The following SLC6A2 variants were observed in gnomAD, a reference collection of about 807,000 sequenced individuals.
SLC6A2 encodes the protein solute carrier family 6 member 2, also known as sodium-dependent noradrenaline transporter.
Under a neutral mutation model 71.7 loss-of-function variants are expected in SLC6A2, and 26 were observed. The ratio of observed to expected loss-of-function variants is 0.36; its 90% confidence interval spans 0.27 to 0.50. The LOEUF is 0.50. Ranked by LOEUF, SLC6A2 falls within the 20% of genes least tolerant of loss-of-function variation. The probability of loss-of-function intolerance (pLI) is 0.96; values close to 1 mark genes in which losing one functional copy is unlikely to be tolerated. For missense variants in SLC6A2, 581 were observed against 803.9 expected (o/e 0.72, Z 3.35); for synonymous variants, 363 against 337.9 (o/e 1.07, Z -0.82).
Position 55,696,292 on chromosome 16 carries a change from TG to T in SLC6A2, c.1216del (p.Val406LeufsTer33). 6.2e-7 allele frequency: 1 copy of T among 1,613,936 alleles called. No homozygotes were observed. The highest frequency in any genetic ancestry group is 8.5e-7 in the Non-Finnish European group (1 of 1,179,920). On this transcript the variant is annotated frameshift_variant, in exon 9 of 15. Coordinates refer to ENST00000568943, the MANE Select transcript of SLC6A2 (RefSeq NM_001172501.3). LOFTEE classifies it high-confidence loss of function. ...STLSGSTFWAVVFFVMLLALG... is the reference protein window; with the variant it reads ...STLSGSTFWAXVFFVMLLALG... ...CCCTGTCTGGATCTACATTCTGGGC[TG>T]TTGTGTTTTTCGTCATGCTCCTGGC... is the stretch of plus-strand genomic sequence containing the variant.
chr16:55,656,845 G>C lies in SLC6A2; in HGVS notation c.151G>C (p.Gly51Arg). Residue 51 changes from glycine (G) to arginine (R), a missense_variant, in exon 2 of 15, where the codon GGC becomes CGC. Physicochemically the swap from Gly to Arg is moderately radical, Grantham distance 125. Transcript: ENST00000568943. This position sits in a 1 kb window ranked among gnomAD's most constrained non-coding sequence, Gnocchi z 4.5. Reference protein sequence around the residue: ...GVQCLLAPRDGDAQPRETWGK... With the variant: ...GVQCLLAPRDRDAQPRETWGK... ...CCAGTGCCTGCTGGCGCCCCGCGACGGCGACGCGCAGCCCCGGGAGACCTG... is the reference window on the plus strand; with the variant it reads ...CCAGTGCCTGCTGGCGCCCCGCGACCGCGACGCGCAGCCCCGGGAGACCTG... 1.9e-6 allele frequency: 3 copies of C among 1,613,704 alleles called. No homozygotes were observed. The South Asian group carries it at 3.3e-5, about 18-fold the overall frequency.
At chr16:55,684,300 CAAAA>C (rs34610275) in intron 4 of SLC6A2, among the ~76,000 whole-genome samples, 16 of 133,016 alleles carry the variant, frequency 1.2e-4, no homozygotes, top group African/African-American at 4.6e-4. Flanking sequence ...GAGCCTGTCT[CAAAA>C]AAAAAAAAAA....
Position 55,692,065 on chromosome 16 carries a change from TG to T in SLC6A2, c.918+14del, listed in dbSNP as rs1467680615. 3.7e-6 allele frequency: 6 copies of T among 1,614,132 alleles called. No homozygotes were observed. Among genetic ancestry groups the T allele is most frequent in the Non-Finnish European group, 5.1e-6 (6 of 1,180,008 alleles). ...GAAAGAGGCCACGGTCAGTGCTCAG[TG>T]ACCACCAAGCCTTGGGCCAGGCTTG... is the stretch of plus-strand genomic sequence containing the variant. On this transcript the variant is annotated intron_variant, in intron 6 of 14. Coordinates refer to ENST00000568943, the MANE Select transcript of SLC6A2 (RefSeq NM_001172501.3).
At chr16:55,663,114 C>G (rs922734700) in intron 2 of SLC6A2, among the ~76,000 whole-genome samples, 1 of 152,154 alleles carries the variant, frequency 6.6e-6, no homozygotes, top group Non-Finnish European at 1.5e-5. Context: ...CCCCCCACCC[C>G]TTGCTTGGGT....
chr16:55,701,646 G>A (rs1413588711), intron 13 of SLC6A2, among the ~76,000 whole-genome samples: 1 of 152,224 alleles, frequency 6.6e-6, no homozygotes, highest in Non-Finnish European at 1.5e-5. Context: ...CCCCATGTCT[G>A]ACCACAGTAG....
intron 7 of SLC6A2, 117 bp downstream of exon 7, chr16:55,694,230 C>T (rs1965725001): frequency 3.9e-6 from 3 of 770,958 alleles, no homozygotes; most frequent in Admixed American, 1.8e-5. Flanking sequence ...AAATTTTCTT[C>T]TTGTGAACCA....
At chr16:55,691,405 C>T (rs750715599) in intron 5 of SLC6A2, among the ~76,000 whole-genome samples, 7 of 152,156 alleles carry the variant, frequency 4.6e-5, no homozygotes, top group Non-Finnish European at 1.0e-4. Flanking sequence ...TTAGTTCTGT[C>T]TGGTTCATGA....
In SLC6A2 at chr16:55,692,490, G is replaced by A. The variant is rs183456213; in HGVS notation, c.918+438G>A. On this transcript the variant is annotated intron_variant, in intron 6 of 14. Transcript: ENST00000568943. ...CAAGGATAGTCTTAGCCACCAGGGA[G>A]GCCCTGCCAACTCTCTTCCCCAACA... Among the ~76,000 whole-genome samples, 4 of 152,234 alleles carry A rather than the reference G, an allele frequency of 2.6e-5. No individual in the cohort carries two copies. The East Asian group carries it at 7.7e-4, about 29-fold the overall frequency.
Position 55,704,198 on chromosome 16 carries a change from T to G in SLC6A2, c.*1852T>G, listed in dbSNP as rs1966053526. On this transcript the variant is annotated 3_prime_UTR_variant, in exon 15 of 15. Transcript: ENST00000568943. ...TGTTTGTTTGTTTGTTTGTTTGTAA[T>G]AAAGCACTTTAATGCACATTACCTG... The G allele has an allele frequency of 6.6e-6, 1 of 152,246 alleles. No individual in the cohort carries two copies. Among genetic ancestry groups the G allele is most frequent in the South Asian group, 2.1e-4 (1 of 4,834 alleles). 9.4% of individuals were successfully genotyped at this position (152,246 alleles called of 1,614,324 possible).
rs1478906182 is a variant in SLC6A2 at position 55,702,747 on chromosome 16, C to A, written c.*401C>A. 4.3e-4 allele frequency: 397 copies of A among 920,544 alleles called. No homozygotes were observed. In the Admixed American group the frequency reaches 4.5e-3, roughly 10 times the overall value. The allele number at this position is 920,544 out of a possible 1,614,324, so 57.0% of individuals were successfully genotyped here. On this transcript the variant is annotated 3_prime_UTR_variant, in exon 15 of 15. Transcript: ENST00000568943. ...TGGGCTTTTGATCAGATACCCCTCC[C>A]AAAAAAAAAAAAAACTAAAACTAAA...
chr16:55,670,580 G>C (rs1964878865), intron 3 of SLC6A2, among the ~76,000 whole-genome samples: 2 of 152,182 alleles, frequency 1.3e-5, no homozygotes, highest in Non-Finnish European at 2.9e-5. Flanking sequence ...TTTCAGATCT[G>C]TTGTTTTCTG....
intron 4 of SLC6A2, among the ~76,000 whole-genome samples, chr16:55,683,300 T>A (rs1004231098): frequency 5.3e-5 from 8 of 152,240 alleles, no homozygotes; most frequent in Middle Eastern, 3.4e-3. Context: ...CCACCTTGGA[T>A]TGTTTGTTTT....
intron 14 of SLC6A2, 126 bp downstream of exon 14, chr16:55,702,060 T>TC (rs2142640075): frequency 1.2e-6 from 1 of 836,058 alleles, no homozygotes; most frequent in East Asian, 2.6e-5. Context: ...AGCTGCCTTT[T>TC]CCCCTTGGAA....
In SLC6A2 at chr16:55,701,860, CAG is replaced by C. The variant is rs1425939466; in HGVS notation, c.1760_1761del. On this transcript the variant is annotated splice_acceptor_variant, in intron 13 of 14. Transcript: ENST00000568943. LOFTEE classifies it high-confidence loss of function. ...AGGCCTCCTCCCCTTCTCTTCCTTT[CAG>C]AGACTGGCCTATGGCATCACGCCAG... 3 of 1,613,450 alleles carry C rather than the reference CAG, an allele frequency of 1.9e-6. No individual in the cohort carries two copies. The highest frequency in any genetic ancestry group is 1.3e-5 in the African/African-American group (1 of 75,032).
chr16:55,678,683 G>A (rs2142537127), intron 4 of SLC6A2, among the ~76,000 whole-genome samples: 1 of 152,332 alleles, frequency 6.6e-6, no homozygotes, highest in Middle Eastern at 3.4e-3. Flanking sequence ...TGGTGAGGAA[G>A]AAAAGTCTCC....
rs559848769 is a variant in SLC6A2, at chr16:55,698,188, GTCT to G, written c.1389+169_1389+171del. Among the ~76,000 whole-genome samples the G allele has an allele frequency of 2.0e-5, 3 of 152,248 alleles. No homozygotes were observed. The South Asian group carries it at 6.2e-4, about 32-fold the overall frequency. Reference sequence around the variant, plus strand: ...TGACCCACTAGGGTTAGGCCCAGTAGTCTTCTTCCATCTCTGATGCTGAGGATT... The same window carrying G: ...TGACCCACTAGGGTTAGGCCCAGTAGTCTTCCATCTCTGATGCTGAGGATT... On this transcript the variant is annotated intron_variant, in intron 10 of 14. Transcript: ENST00000568943.
rs904828591 is a variant in SLC6A2, at chr16:55,656,482, C to G, written c.-51-162C>G. 4 of 625,568 alleles carry G rather than the reference C, an allele frequency of 6.4e-6. No homozygotes were observed. Among genetic ancestry groups the G allele is most frequent in the Admixed American group, 5.4e-5 (2 of 37,116 alleles). The allele number at this position is 625,568 out of a possible 1,614,324, so 38.8% of individuals were successfully genotyped here. On this transcript the variant is annotated intron_variant, in intron 1 of 14. Transcript: ENST00000568943. This position sits in a 1 kb window ranked among gnomAD's most constrained non-coding sequence, Gnocchi z 4.5. ...CTTGAGTTCCGGCGTGCCCCAACCT[C>G]TGTTTCCAAATTTTTCCAGCGGACG...
At chr16:55,691,339 T>C (rs1165383550) in intron 5 of SLC6A2, among the ~76,000 whole-genome samples, 2 of 148,702 alleles carry the variant, frequency 1.3e-5, no homozygotes, top group Non-Finnish European at 3.0e-5. Context: ...CCAGTAGCAA[T>C]GGTGTGATGG....
At position 55,702,314 on chromosome 16, in the gene SLC6A2, T is replaced by C. The variant is rs1010613449; in HGVS notation, c.1831-9T>C. Reference sequence around the variant, plus strand: ...CATGTCATCAAGTCCTCGCTGTCTTTCTCTGCAGTTGCAACACTGGCTGGC... The same window carrying C: ...CATGTCATCAAGTCCTCGCTGTCTTCCTCTGCAGTTGCAACACTGGCTGGC... On this transcript the variant is annotated splice_polypyrimidine_tract_variant and intron_variant, in intron 14 of 14. Transcript: ENST00000568943. The C allele has an allele frequency of 6.2e-7, 1 of 1,614,102 alleles. No homozygotes were observed. The highest frequency in any genetic ancestry group is 8.5e-7 in the Non-Finnish European group (1 of 1,179,970).
Sources: gnomAD v4.1 joint callset for allele counts (sites outside exome capture counted in the v4.1 genomes callset) on GRCh38, gnomAD v4.1.1 for gene constraint, Gnocchi (gnomAD v3.1) non-coding constraint, MANE v1.5 for transcripts, NCBI Gene and HGNC (gene_info 2026-07-23, HGNC 2026-07-21) for gene names.